The following PKNOX2 variants were observed in gnomAD, a reference collection of about 807,000 sequenced individuals.
PKNOX2 encodes PBX/knotted 1 homeobox 2.
A neutral mutation model predicts 53.1 loss-of-function variants in PKNOX2; 14 were observed. That is an observed-to-expected ratio of 0.26 (90% CI 0.17 to 0.41). PKNOX2 has a LOEUF of 0.41. PKNOX2 is among the 10% of genes least tolerant of loss of function. PKNOX2 has a pLI of 1.00. For synonymous variants in PKNOX2, 257 were observed against 242.8 expected, an observed-to-expected ratio of 1.06 and a Z score of -0.54; for missense variants, 496 against 602.8, an observed-to-expected ratio of 0.82 and a Z score of 1.85.
chr11:125,250,267 T>C (rs980124781), intron 2 of PKNOX2, among the ~76,000 whole-genome samples: 1 of 152,014 alleles, frequency 6.6e-6, no homozygotes, highest in Non-Finnish European at 1.5e-5. Flanking sequence ...ATTTCTTTTT[T>C]TCAAAAACAA....
chr11:125,314,494 G>T (rs73023987), intron 2 of PKNOX2, among the ~76,000 whole-genome samples: 9 of 152,194 alleles, frequency 5.9e-5, no homozygotes, highest in African/African-American at 1.4e-4. Context: ...CTGCTTCCCC[G>T]CATGCTTTTG....
rs564304493 is a variant in PKNOX2, at chr11:125,422,121, T to C, written c.937-6891T>C. On this transcript the variant is annotated intron_variant, in intron 10 of 12. Coordinates refer to ENST00000298282, the MANE Select transcript of PKNOX2 (RefSeq NM_001382323.2). This position sits in a 1 kb window ranked among gnomAD's most constrained non-coding sequence, Gnocchi z 4.1. ...TCTTAGATAATCATCAATGCCCCTA[T>C]GATTCGTATTGGCCACAGGGAGTGA... 3.9e-5 allele frequency among the ~76,000 whole-genome samples: 6 copies of C among 152,308 alleles called. No homozygotes were observed. The highest frequency in any genetic ancestry group is 2.1e-4 in the South Asian group (1 of 4,828).
chr11:125,230,303 G>C (rs551653034), intron 1 of PKNOX2, among the ~76,000 whole-genome samples: 19 of 152,346 alleles, frequency 1.2e-4, no homozygotes, highest in Middle Eastern at 3.4e-3. Context: ...GTGTCATTTA[G>C]AGCCTGCTGG....
chr11:125,288,918 G>A (rs942819451), intron 2 of PKNOX2, among the ~76,000 whole-genome samples: 5 of 152,334 alleles, frequency 3.3e-5, no homozygotes, highest in African/African-American at 7.2e-5. Context: ...ACACACACAC[G>A]CTCTATCAGA....
At chr11:125,182,543 C>A (rs539523246) in intron 1 of PKNOX2, among the ~76,000 whole-genome samples, 1 of 152,338 alleles carries the variant, frequency 6.6e-6, no homozygotes, top group African/African-American at 2.4e-5. Flanking sequence ...TGTCATGGTG[C>A]TGTTTTGGGA....
intron 6 of PKNOX2, among the ~76,000 whole-genome samples, chr11:125,392,179 C>A (rs1447384192): frequency 6.6e-6 from 1 of 152,238 alleles, no homozygotes; most frequent in South Asian, 2.1e-4. Context: ...GTTTATAAAG[C>A]ATGTTTACAT....
chr11:125,338,780 G>A lies in PKNOX2; in HGVS notation c.-23+6855G>A, dbSNP rs188163051. Reference sequence around the variant, plus strand: ...TTCTCCTCCTCTTCTTCCACTCCCTGGTCCTTGCCCTAGCATGAGAGATGA... The same window carrying A: ...TTCTCCTCCTCTTCTTCCACTCCCTAGTCCTTGCCCTAGCATGAGAGATGA... On this transcript the variant is annotated intron_variant, in intron 3 of 12. Transcript: ENST00000298282. 1.3e-3 allele frequency among the ~76,000 whole-genome samples: 202 copies of A among 152,244 alleles called. 1 individual carries two copies. Among genetic ancestry groups the A allele is most frequent in the Admixed American group, 0.01 (157 of 15,298 alleles).
chr11:125,412,884 A>G (rs1013475381), intron 10 of PKNOX2, among the ~76,000 whole-genome samples: 1 of 152,188 alleles, frequency 6.6e-6, no homozygotes, highest in Non-Finnish European at 1.5e-5. Flanking sequence ...CAGCCGTTGT[A>G]TCTGAACTGG....
chr11:125,183,192 T>A (rs1411393008), intron 1 of PKNOX2, among the ~76,000 whole-genome samples: 1 of 134,068 alleles, frequency 7.5e-6, no homozygotes, highest in African/African-American at 2.8e-5. Context: ...TAGCATGCGA[T>A]GAATCCTTTT....
rs954964855 is a variant in PKNOX2, at chr11:125,352,262, C to T, written c.87+870C>T. Among the ~76,000 whole-genome samples, 1 of 152,224 alleles carries T rather than the reference C, an allele frequency of 6.6e-6. No homozygotes were observed. The highest frequency in any genetic ancestry group is 2.4e-5 in the African/African-American group (1 of 41,456). ...CTTCATTCTCTGACCCTTCCCTTCA[C>T]ACTCTCCTGTCAATATGAATTCAAT... On this transcript the variant is annotated intron_variant, in intron 4 of 12. Transcript: ENST00000298282. The surrounding 1 kb of genome is among the most constrained non-coding windows in gnomAD (Gnocchi z 4.1).
intron 2 of PKNOX2, among the ~76,000 whole-genome samples, chr11:125,235,570 C>T (rs1942607130): frequency 1.3e-5 from 2 of 152,240 alleles, no homozygotes; most frequent in Admixed American, 1.3e-4. Context: ...AAAGGAAATG[C>T]TGCTGACCGC....
At chr11:125,258,518 A>C (rs1321169592) in intron 2 of PKNOX2, 1 of 152,634 alleles carries the variant, frequency 6.6e-6, no homozygotes, top group Non-Finnish European at 1.5e-5. Flanking sequence ...GATTAGGGAA[A>C]TATCTTCTTT....
chr11:125,424,851 A>T (rs749944635), intron 10 of PKNOX2, among the ~76,000 whole-genome samples: 1 of 152,242 alleles, frequency 6.6e-6, no homozygotes, highest in East Asian at 1.9e-4. Flanking sequence ...GCCCCTGGGC[A>T]GAACTCACTC....
chr11:125,202,836 A>G (rs2135409801), intron 1 of PKNOX2, among the ~76,000 whole-genome samples: 1 of 152,148 alleles, frequency 6.6e-6, no homozygotes, highest in Admixed American at 6.5e-5. Flanking sequence ...TTTTCTTTTT[A>G]GAGATGGGCA....
intron 3 of PKNOX2, among the ~76,000 whole-genome samples, chr11:125,343,610 A>G (rs1420045872): frequency 6.6e-6 from 1 of 152,238 alleles, no homozygotes; most frequent in African/African-American, 2.4e-5. Context: ...GCTCCTCGGT[A>G]GGAAGATCTA....
intron 1 of PKNOX2, among the ~76,000 whole-genome samples, chr11:125,224,792 G>A (rs537328362): frequency 4.6e-5 from 7 of 152,254 alleles, no homozygotes; most frequent in South Asian, 2.1e-4. Context: ...AGCCAGCACC[G>A]TACACATCTG....
At chr11:125,381,254 C>CTGGGA (rs1055245114) in intron 5 of PKNOX2, among the ~76,000 whole-genome samples, 5 of 152,138 alleles carry the variant, frequency 3.3e-5, no homozygotes, top group African/African-American at 9.6e-5. Flanking sequence ...CAACAGGGCT[C>CTGGGA]TGGGATGGGA....
intron 2 of PKNOX2, among the ~76,000 whole-genome samples, chr11:125,250,410 C>G (rs10790732): frequency 0.54 from 82,671 of 151,996 alleles, 22,820 homozygotes; most frequent in East Asian, 0.72. Context: ...TCCCTCTTCA[C>G]TGGGGTTGTT....
At chr11:125,216,672 C>T (rs903063263) in intron 1 of PKNOX2, among the ~76,000 whole-genome samples, 3 of 152,310 alleles carry the variant, frequency 2.0e-5, no homozygotes, top group Non-Finnish European at 2.9e-5. Flanking sequence ...TCTGCCCCAG[C>T]GCTCTGGATT....
Sources: allele counts gnomAD v4.1 joint callset (sites outside exome capture counted in the v4.1 genomes callset), GRCh38; gene constraint gnomAD v4.1.1; non-coding constraint Gnocchi (gnomAD v3.1); transcripts MANE v1.5; gene names NCBI Gene and HGNC (gene_info 2026-07-23, HGNC 2026-07-21).